Variants in LTA4H observed in about 807,000 individuals in gnomAD.
The protein encoded by LTA4H is leukotriene A4 hydrolase.
LTA4H carries 59 observed loss-of-function variants against 89.8 expected under a neutral mutation model. The ratio of observed to expected loss-of-function variants is 0.66; its 90% confidence interval spans 0.53 to 0.82. The LOEUF (loss-of-function observed/expected upper bound fraction) is 0.82. LTA4H is among the 40% of genes least tolerant of loss of function. The pLI is 0.00. For synonymous variants in LTA4H, 227 were observed against 253.1 expected, an observed-to-expected ratio of 0.90 and a Z score of 0.98; for missense variants, 617 against 727.0, an observed-to-expected ratio of 0.85 and a Z score of 1.74.
intron 3 of LTA4H, 131 bp downstream of exon 3, chr12:96,027,313 T>G: frequency 1.5e-6 from 1 of 683,968 alleles, no homozygotes; most frequent in Non-Finnish European, 2.3e-6. Context: ...CTTATATGTT[T>G]CTATAAGATC....
chr12:96,029,087 T>C lies in LTA4H; in HGVS notation c.258A>G (p.Pro86=). The change falls in exon 2 of 19, where the codon CCA becomes CCG. Residue 86 remains proline, a synonymous_variant. Transcript: ENST00000228740. The part of the protein sequence containing the change: ...LGERQSYKGS[P]MEISLPIALS... ...AAGCGATAGGAAGAGAGATTTCCAT[T>C]GGCGATCCCTTGTAACTTTGTCTTT... The C allele has an allele frequency of 6.3e-7, 1 of 1,589,126 alleles. No individual in the cohort carries two copies. The highest frequency in any genetic ancestry group is 8.6e-7 in the Non-Finnish European group (1 of 1,168,278).
intron 17 of LTA4H, 76 bp from the exon 18 acceptor site, chr12:96,003,140 T>C: frequency 2.2e-6 from 2 of 901,438 alleles, no homozygotes; most frequent in Non-Finnish European, 3.6e-6. Flanking sequence ...ATCTTAATAT[T>C]ACTTCTGTAG....
At chr12:96,027,607 C>A (rs371329454) in intron 2 of LTA4H, 43 bp from the exon 3 acceptor site, 2 of 1,347,714 alleles carry the variant, frequency 1.5e-6, no homozygotes, top group East Asian at 2.4e-5. Context: ...ATGATTCCAT[C>A]TAGTGAAAAT....
intron 17 of LTA4H, 26 bp from the exon 18 acceptor site, chr12:96,003,090 TG>T (rs755307879): frequency 6.7e-7 from 1 of 1,493,944 alleles, no homozygotes; most frequent in Non-Finnish European, 9.2e-7. Flanking sequence ...GGGGGGAGCA[TG>T]GAGTAGAAAA....
At chr12:96,041,724 C>A (rs11108386) in intron 1 of LTA4H, among the ~76,000 whole-genome samples, 33,212 of 152,036 alleles carry the variant, frequency 0.22, 4,668 homozygotes, top group Non-Finnish European at 0.32. Context: ...TCACTGCAAG[C>A]TCCGCCTCCC....
At chr12:96,028,986 AT>A in intron 2 of LTA4H, 68 bp downstream of exon 2, 2 of 1,311,622 alleles carry the variant, frequency 1.5e-6, no homozygotes, top group South Asian at 3.5e-5. Context: ...AAGAAAAAAT[AT>A]TTAAATTAGT....
chr12:96,006,689 T>C (rs550553530), intron 15 of LTA4H, among the ~76,000 whole-genome samples: 1 of 152,300 alleles, frequency 6.6e-6, no homozygotes, highest in South Asian at 2.1e-4. Context: ...ATTCGAGGTA[T>C]AGAAATTTCC....
intron 14 of LTA4H, chr12:96,012,393 TGAA>T (rs1465436195): frequency 2.0e-5 from 3 of 152,204 alleles, no homozygotes; most frequent in Non-Finnish European, 4.4e-5. Context: ...CAGGTCCGAT[TGAA>T]GGAGGGGGTT....
At chr12:96,036,093 G>A (rs281860641), upstream of LTA4H, among the ~76,000 whole-genome samples, 242 of 151,254 alleles carry the variant, frequency 1.6e-3, 3 homozygotes, top group South Asian at 0.04. Flanking sequence ...CGACGGGGAG[G>A]CACAGTAATT....
intron 8 of LTA4H, among the ~76,000 whole-genome samples, chr12:96,018,282 G>T (rs1342099424): frequency 1.3e-5 from 2 of 152,180 alleles, no homozygotes; most frequent in African/African-American, 4.8e-5. Flanking sequence ...CTGGTGGGGT[G>T]GTTCATGCCT....
intron 4 of LTA4H, among the ~76,000 whole-genome samples, chr12:96,023,688 A>G (rs1293923343): frequency 6.6e-6 from 1 of 152,214 alleles, no homozygotes; most frequent in African/African-American, 2.4e-5. Flanking sequence ...GTGATTATTT[A>G]GTAATTACAG....
At chr12:96,016,923 A>C in intron 10 of LTA4H, 121 bp downstream of exon 10, 2 of 719,178 alleles carry the variant, frequency 2.8e-6, no homozygotes, top group Non-Finnish European at 2.4e-6. Flanking sequence ...ATCCTTGCCT[A>C]CCTAAGAGAT....
At chr12:96,019,072 CT>C in intron 7 of LTA4H, 95 bp downstream of exon 7, 1 of 1,241,622 alleles carries the variant, frequency 8.1e-7, no homozygotes. Context: ...CAATCTGGTT[CT>C]TTCCCCGTAT....
At chr12:96,035,291 C>A in intron 1 of LTA4H, 70 bp downstream of exon 1, 2 of 1,475,866 alleles carry the variant, frequency 1.4e-6, no homozygotes, top group South Asian at 1.3e-5. Flanking sequence ...GATCCGGGAG[C>A]CCGCAAGGAC....
At chr12:96,013,400 A>T in intron 13 of LTA4H, 142 bp from the exon 14 acceptor site, 1 of 593,828 alleles carries the variant, frequency 1.7e-6, no homozygotes, top group Non-Finnish European at 3.0e-6. Context: ...AAAAATTAAT[A>T]TTTTAAATTG....
rs2228060 is a variant in LTA4H, at chr12:96,035,448, C to A, written c.72G>T (p.Leu24=). 10,074 of 1,609,554 alleles carry A rather than the reference C, an allele frequency of 6.3e-3. 521 individuals are homozygous for A. In the African/African-American group the frequency reaches 0.11, roughly 18 times the overall value. Residue 24 remains leucine (L), a synonymous_variant, in exon 1 of 19, where the codon CTG becomes CTT. Transcript: ENST00000228740. ...GGCGAGTAAAGTCGACGCTGCAGCG[C>A]AGGTGCAGGTGCTTGGTCCGGCAGA... The part of the protein sequence containing the change: ...ASVCRTKHLH[L]RCSVDFTRRT...
Position 96,014,871 on chromosome 12 carries a change from T to C in LTA4H, c.1188A>G (p.Gln396=), listed in dbSNP as rs1950352777. Residue 396 remains glutamine, a synonymous_variant, in exon 12 of 19, where the codon CAA becomes CAG. Transcript: ENST00000228740. The part of the protein sequence containing the change: ...KGFALLFYLE[Q]LLGGPEIFLG... ...ACTACTTACCTGGTCCTCCAAGCAG[T>C]TGTTCAAGGTAAAAAAGTAAAGCAA... 6.2e-7 allele frequency: 1 copy of C among 1,611,798 alleles called. No homozygotes were observed. The highest frequency in any genetic ancestry group is 1.7e-5 in the Admixed American group (1 of 59,768).
At chr12:96,015,453 T>C (rs1950361191) in intron 11 of LTA4H, 130 bp downstream of exon 11, 4 of 663,154 alleles carry the variant, frequency 6.0e-6, no homozygotes, top group Non-Finnish European at 1.1e-5. Flanking sequence ...TATACCAGCA[T>C]TGACTTCACT....
intron 16 of LTA4H, among the ~76,000 whole-genome samples, chr12:96,004,220 TAG>T (rs1361994899): frequency 6.6e-6 from 1 of 152,206 alleles, no homozygotes; most frequent in Non-Finnish European, 1.5e-5. Flanking sequence ...AGACTTTTCC[TAG>T]AGTTTTTCTA....
Sources: allele counts gnomAD v4.1 joint callset (sites outside exome capture counted in the v4.1 genomes callset), GRCh38; gene constraint gnomAD v4.1.1; transcripts MANE v1.5; gene names NCBI Gene and HGNC (gene_info 2026-07-23, HGNC 2026-07-21).